ARHGAP44: variants seen among roughly 807,000 people sequenced by gnomAD.
The protein encoded by ARHGAP44 is Rho GTPase activating protein 44.
ARHGAP44 carries 43 observed loss-of-function variants against 106.8 expected under a neutral mutation model. The observed-to-expected ratio is 0.40, with a 90% CI of 0.32 to 0.52. ARHGAP44 has a LOEUF of 0.52. Among genes scored for constraint, ARHGAP44 ranks in the 20% least tolerant of loss-of-function variants. The pLI is 0.48. For missense variants in ARHGAP44, 866 were observed against 1,050.5 expected (o/e 0.82, Z 2.43); for synonymous variants, 439 against 410.3 (o/e 1.07, Z -0.85).
intron 1 of ARHGAP44, among the ~76,000 whole-genome samples, chr17:12,792,717 A>C (rs182155395): frequency 1.2e-4 from 18 of 152,266 alleles, no homozygotes; most frequent in African/African-American, 4.1e-4. Context: ...GTCCTTCCTC[A>C]TGGCTCGCCT....
chr17:12,817,238 C>G (rs943392054), intron 1 of ARHGAP44, among the ~76,000 whole-genome samples: 1 of 151,886 alleles, frequency 6.6e-6, no homozygotes, highest in Non-Finnish European at 1.5e-5. Flanking sequence ...CACAACATAT[C>G]AAAATTTGTG....
chr17:12,937,392 T>TA (rs2038579061), intron 7 of ARHGAP44, among the ~76,000 whole-genome samples: 1 of 152,140 alleles, frequency 6.6e-6, no homozygotes. Context: ...CTCCTAGAGG[T>TA]AAAAGTGGGT....
chr17:12,971,467 G>A (rs753916106), intron 16 of ARHGAP44, among the ~76,000 whole-genome samples: 9 of 152,118 alleles, frequency 5.9e-5, no homozygotes, highest in Non-Finnish European at 1.3e-4. Context: ...TCACATGCCC[G>A]AAATCCTCAC....
chr17:12,877,355 G>A (rs375746009), intron 1 of ARHGAP44, among the ~76,000 whole-genome samples: 1 of 152,074 alleles, frequency 6.6e-6, no homozygotes, highest in Non-Finnish European at 1.5e-5. Context: ...TTGGAAAATA[G>A]GGGTGTCTAC....
At chr17:12,880,333 C>T (rs2036687938) in intron 1 of ARHGAP44, among the ~76,000 whole-genome samples, 1 of 152,046 alleles carries the variant, frequency 6.6e-6, no homozygotes, top group Non-Finnish European at 1.5e-5. Context: ...CCTTCCCAAA[C>T]CCAGTCTCTT....
intron 1 of ARHGAP44, among the ~76,000 whole-genome samples, chr17:12,858,722 C>T (rs1440009956): frequency 6.6e-6 from 1 of 152,046 alleles, no homozygotes; most frequent in Non-Finnish European, 1.5e-5. Context: ...GAGATGAGGC[C>T]ATTAGAGTGG....
At chr17:12,845,514 A>AAC (rs771566081) in intron 1 of ARHGAP44, among the ~76,000 whole-genome samples, 19 of 130,520 alleles carry the variant, frequency 1.5e-4, no homozygotes, top group African/African-American at 5.3e-4. Flanking sequence ...CTCAAAAAAA[A>AAC]AAAAAAAACA....
chr17:12,900,575 A>G (rs995984758), intron 3 of ARHGAP44, among the ~76,000 whole-genome samples: 1 of 152,204 alleles, frequency 6.6e-6, no homozygotes, highest in Non-Finnish European at 1.5e-5. Context: ...ACCGTGTGGA[A>G]GTGTTTCTCC....
chr17:12,907,252 T>C (rs1336165176), intron 3 of ARHGAP44, among the ~76,000 whole-genome samples: 2 of 152,246 alleles, frequency 1.3e-5, no homozygotes, highest in African/African-American at 4.8e-5. Flanking sequence ...GTGTACTGGC[T>C]GGTCTTAGTT....
At chr17:12,801,139 G>C (rs2034080844) in intron 1 of ARHGAP44, among the ~76,000 whole-genome samples, 1 of 152,228 alleles carries the variant, frequency 6.6e-6, no homozygotes, top group Admixed American at 6.5e-5. Context: ...AGCCTCTACA[G>C]ACTCCTATGT....
intron 16 of ARHGAP44, among the ~76,000 whole-genome samples, chr17:12,970,462 T>C (rs1329407482): frequency 6.6e-6 from 1 of 152,088 alleles, no homozygotes. Context: ...CCAGATTCTG[T>C]AGGCTCCCTA....
Position 12,922,774 on chromosome 17 carries a change from T to G in ARHGAP44, c.464+2943T>G, listed in dbSNP as rs966570985. 6.6e-5 allele frequency among the ~76,000 whole-genome samples: 10 copies of G among 152,084 alleles called. No homozygotes were observed. The East Asian group carries it at 1.2e-3, about 18-fold the overall frequency. ...CCATCACACTCAGCTAATTTTTGTA[T>G]TTTTAGTATAGACGGGGTTTCGCCA... On this transcript the variant is annotated intron_variant, in intron 6 of 20. Transcript: ENST00000379672.
chr17:12,956,899 A>G (rs2039142764), intron 15 of ARHGAP44, among the ~76,000 whole-genome samples, 153 bp downstream of exon 15: 2 of 151,998 alleles, frequency 1.3e-5, no homozygotes, highest in Non-Finnish European at 2.9e-5. Context: ...GCATGCAGAC[A>G]TGCACAAAGG....
At chr17:12,800,913 T>C (rs1002753624) in intron 1 of ARHGAP44, among the ~76,000 whole-genome samples, 1 of 152,202 alleles carries the variant, frequency 6.6e-6, no homozygotes, top group African/African-American at 2.4e-5. Context: ...TTAGAAATGC[T>C]AATTAACTGC....
chr17:12,840,728 C>G (rs1230775708), intron 1 of ARHGAP44, among the ~76,000 whole-genome samples: 3 of 152,120 alleles, frequency 2.0e-5, no homozygotes, highest in Admixed American at 2.0e-4. Context: ...TCAAGGTGCC[C>G]CATGTAAAGA....
intron 16 of ARHGAP44, among the ~76,000 whole-genome samples, chr17:12,971,598 C>T (rs1057115649): frequency 1.3e-5 from 2 of 152,148 alleles, no homozygotes; most frequent in Non-Finnish European, 2.9e-5. Flanking sequence ...TTCGGCAGCC[C>T]GCTGTAAATA....
intron 16 of ARHGAP44, among the ~76,000 whole-genome samples, chr17:12,961,002 A>T (rs1460977679): frequency 1.3e-5 from 2 of 152,188 alleles, no homozygotes; most frequent in African/African-American, 4.8e-5. Flanking sequence ...CTGTAAGCTG[A>T]AGGGATGCTC....
intron 2 of ARHGAP44, among the ~76,000 whole-genome samples, chr17:12,895,610 G>A (rs560964840): frequency 1.3e-5 from 2 of 152,292 alleles, no homozygotes; most frequent in East Asian, 3.9e-4. Context: ...AACAACAGGT[G>A]CTGGAGAGGA....
In ARHGAP44 at chr17:12,991,465, G is replaced by T. The variant is rs1200096104; in HGVS notation, c.*1294G>T. ...ACAGTGTAAAGTCACCCTCCTCTGA[G>T]AGTGGGATGTGCAGAGTTTTGATGT... On this transcript the variant is annotated 3_prime_UTR_variant, in exon 21 of 21. Coordinates refer to ENST00000379672, the MANE Select transcript of ARHGAP44 (RefSeq NM_014859.6). The T allele has an allele frequency of 5.8e-6, 1 of 171,046 alleles. No individual in the cohort carries two copies. The highest frequency in any genetic ancestry group is 1.3e-5 in the Non-Finnish European group (1 of 78,648). The allele number at this position is 171,046 out of a possible 1,614,324, so 10.6% of individuals were successfully genotyped here.
Sources: allele counts gnomAD v4.1 joint callset (sites outside exome capture counted in the v4.1 genomes callset), GRCh38; gene constraint gnomAD v4.1.1; transcripts MANE v1.5; gene names NCBI Gene and HGNC (gene_info 2026-07-23, HGNC 2026-07-21).